Variants in LTF observed in about 807,000 individuals in gnomAD.
The protein encoded by LTF is lactotransferrin.
Under a neutral mutation model 87.2 loss-of-function variants are expected in LTF, and 91 were observed. That is an observed-to-expected ratio of 1.04 (90% CI 0.88 to 1.24). LTF has a LOEUF of 1.24. Ranked by LOEUF, LTF falls within the 50% of genes most tolerant of loss-of-function variation. The pLI is 0.00. For synonymous variants in LTF, 378 were observed against 356.1 expected, an observed-to-expected ratio of 1.06 and a Z score of -0.69; for missense variants, 901 against 904.3, an observed-to-expected ratio of 1.00 and a Z score of 0.05.
chr3:46,463,123 G>A (rs2106903484), intron 1 of LTF, among the ~76,000 whole-genome samples: 1 of 152,272 alleles, frequency 6.6e-6, no homozygotes, highest in East Asian at 1.9e-4. Context: ...CCTGAAGCAG[G>A]TCTAGGTCTG....
Position 46,464,850 on chromosome 3 carries a change from G to C in LTF, c.18C>G (p.Leu6=). The C allele has an allele frequency of 6.2e-7, 1 of 1,613,914 alleles. No individual in the cohort carries two copies. The highest frequency in any genetic ancestry group is 8.5e-7 in the Non-Finnish European group (1 of 1,179,960). The change falls in exon 1 of 17, where the codon CTC becomes CTG. Residue 6 remains leucine, a synonymous_variant. Coordinates refer to ENST00000231751, the MANE Select transcript of LTF (RefSeq NM_002343.6). The stretch of plus-strand genomic sequence containing the variant: ...CGAGGGCCCCGAGGAACAGCAGGAC[G>C]AGGAAGACAAGTTTCATGTCTGCGG... MKLVF[L]VLLFLGALGL...
intron 11 of LTF, among the ~76,000 whole-genome samples, chr3:46,446,128 T>G (rs898305348): frequency 6.6e-6 from 1 of 151,814 alleles, no homozygotes; most frequent in Non-Finnish European, 1.5e-5. Context: ...GTGAGTGAGA[T>G]CCTGGGCACT....
intron 1 of LTF, among the ~76,000 whole-genome samples, chr3:46,478,080 C>A (rs559590163): frequency 7.7e-4 from 118 of 152,272 alleles, no homozygotes; most frequent in African/African-American, 2.6e-3. Context: ...CTCCTTATGC[C>A]CACATTCTGT....
At chr3:46,448,220 A>T (rs1702703894) in intron 9 of LTF, among the ~76,000 whole-genome samples, 1 of 152,296 alleles carries the variant, frequency 6.6e-6, no homozygotes, top group African/African-American at 2.4e-5. Flanking sequence ...AATAATAATT[A>T]TGCAGGTGTG....
intron 6 of LTF, 51 bp downstream of exon 6, chr3:46,454,254 T>C (rs543210744): frequency 2.6e-6 from 4 of 1,522,158 alleles, no homozygotes; most frequent in East Asian, 4.5e-5. Flanking sequence ...AGAGTCATGA[T>C]CAAGTAAGAT....
intron 1 of LTF, among the ~76,000 whole-genome samples, chr3:46,477,791 A>G (rs1261148204): frequency 1.3e-5 from 2 of 152,218 alleles, no homozygotes; most frequent in African/African-American, 4.8e-5. Flanking sequence ...ATTAACTATT[A>G]TTGTTATTGT....
At chr3:46,464,772 G>T in intron 1 of LTF, 53 bp downstream of exon 1, 10 of 1,600,142 alleles carry the variant, frequency 6.2e-6, no homozygotes, top group Non-Finnish European at 6.8e-6. Context: ...CTAGCAGACA[G>T]GGCGCAGGAG....
At position 46,475,515 on chromosome 3, in the gene LTF, AACACACACACACACACACACACAC is replaced by A. The variant is rs59984149; in HGVS notation, c.-319-5073_-319-5050del. On this transcript the variant is annotated intron_variant, in intron 1 of 19. Coordinates refer to the LTF transcript ENST00000443496. Reference sequence around the variant, plus strand: ...GTCACTTTCATCTGCTCTCCCCCTAAACACACACACACACACACACACACACACACACACACACACACACACACA... The same window carrying A: ...GTCACTTTCATCTGCTCTCCCCCTAAACACACACACACACACACACACACA... 2.2e-4 allele frequency among the ~76,000 whole-genome samples: 29 copies of A among 131,070 alleles called. No homozygotes were observed. In the East Asian group the frequency reaches 4.0e-3, roughly 18 times the overall value. The allele number at this position is 131,070 out of a possible 152,430, so 86.0% of individuals were successfully genotyped here.
intron 15 of LTF, among the ~76,000 whole-genome samples, chr3:46,439,047 T>C (rs1160601156): frequency 6.6e-6 from 1 of 152,176 alleles, no homozygotes; most frequent in Non-Finnish European, 1.5e-5. Flanking sequence ...CAGGCAGTGA[T>C]GGCAACAAGG....
intron 12 of LTF, among the ~76,000 whole-genome samples, chr3:46,444,395 C>A (rs1308678922): frequency 2.0e-5 from 3 of 152,204 alleles, no homozygotes; most frequent in Non-Finnish European, 4.4e-5. Context: ...TGCAGCTGAA[C>A]CTGATCTGAA....
Position 46,464,829 on chromosome 3 carries a change from G to A in LTF, c.39C>T (p.Ala13=), listed in dbSNP as rs1417115783. Residue 13 remains alanine (A), a synonymous_variant, in exon 1 of 17, where the codon GCC becomes GCT. Coordinates refer to ENST00000231751, the MANE Select transcript of LTF (RefSeq NM_002343.6). ...LVFLVLLFLG[A]LGLCLAGRRR... ...CCCCCAGGCACCTGCACTCACCGAG[G>A]GCCCCGAGGAACAGCAGGACGAGGA... 25 of 1,613,808 alleles carry A rather than the reference G, an allele frequency of 1.5e-5. No homozygotes were observed. The highest frequency in any genetic ancestry group is 2.0e-5 in the Non-Finnish European group (24 of 1,179,998).
chr3:46,443,348 G>A, intron 13 of LTF, 93 bp downstream of exon 13: 4 of 1,473,156 alleles, frequency 2.7e-6, no homozygotes, highest in Non-Finnish European at 3.8e-6. Flanking sequence ...ACTCTGCTGT[G>A]ACAGGTCACA....
At chr3:46,437,449 T>C (rs1352857146) in intron 16 of LTF, among the ~76,000 whole-genome samples, 1 of 151,202 alleles carries the variant, frequency 6.6e-6, no homozygotes, top group African/African-American at 2.4e-5. Context: ...GCCTCTCAAG[T>C]AGCTGGGACT....
At position 46,455,807 on chromosome 3, in the gene LTF, G is replaced by A. The variant is rs754057061; in HGVS notation, c.488C>T (p.Pro163Leu). ...PFLNWTGPPE[P>L]IEAAVARFFS... ...CCCAGCCATCTTACCTGCCTCAATG[G>A]GCTCAGGTGGACCCGTCCAATTCAA... is the stretch of plus-strand genomic sequence containing the variant. The change falls in exon 4 of 17, where the codon CCC becomes CTC. Residue 163 changes from proline to leucine, a missense_variant. By Grantham distance (98) the Pro-to-Leu change is moderately conservative. Transcript: ENST00000231751. 16 of 1,570,064 alleles carry A rather than the reference G, an allele frequency of 1.0e-5. No individual in the cohort carries two copies. The highest frequency in any genetic ancestry group is 1.2e-5 in the Non-Finnish European group (14 of 1,159,412).
intron 12 of LTF, among the ~76,000 whole-genome samples, chr3:46,444,852 C>T (rs949598341): frequency 3.3e-5 from 5 of 152,142 alleles, no homozygotes; most frequent in African/African-American, 4.8e-5. Context: ...ATTCAGGCTC[C>T]GTTGCAGTGT....
chr3:46,468,486 C>A (rs944275597), upstream of LTF, among the ~76,000 whole-genome samples: 3 of 152,308 alleles, frequency 2.0e-5, no homozygotes, highest in Admixed American at 1.3e-4. Flanking sequence ...GCTCTGCCCC[C>A]ACCCTCAAAA....
chr3:46,483,195 A>G (rs964098419), intron 1 of LTF, among the ~76,000 whole-genome samples: 8 of 152,224 alleles, frequency 5.3e-5, no homozygotes, highest in African/African-American at 1.7e-4. Flanking sequence ...AGAATGGGGG[A>G]AAATTTTGCA....
intron 1 of LTF, among the ~76,000 whole-genome samples, chr3:46,484,533 T>A (rs542348003): frequency 6.6e-6 from 1 of 152,046 alleles, no homozygotes; most frequent in Non-Finnish European, 1.5e-5. Context: ...CCCTAAAAAA[T>A]TGCATGTCCC....
chr3:46,450,633 T>C lies in LTF; in HGVS notation c.744A>G (p.Leu248=), dbSNP rs779221415. ...GCTTCCGAGTGTTGTCTGGGCAGAG[T>C]AACTCATACTCGTCCCTTTCAGCCT... The part of the protein sequence containing the change: ...SDEAERDEYE[L]LCPDNTRKPV... Residue 248 remains leucine (L), a synonymous_variant, in exon 7 of 17, where the codon TTA becomes TTG. Transcript: ENST00000231751. 6.2e-7 allele frequency: 1 copy of C among 1,613,960 alleles called. No individual in the cohort carries two copies. The highest frequency in any genetic ancestry group is 1.1e-5 in the South Asian group (1 of 91,084).
Sources: gnomAD v4.1 joint callset for allele counts (sites outside exome capture counted in the v4.1 genomes callset) on GRCh38, gnomAD v4.1.1 for gene constraint, MANE v1.5 for transcripts, NCBI Gene and HGNC (gene_info 2026-07-23, HGNC 2026-07-21) for gene names.